The following ACOT12 variants were observed in gnomAD, a reference collection of about 807,000 sequenced individuals.
ACOT12 encodes the protein acetyl-coenzyme A thioesterase.
A neutral mutation model predicts 67.7 loss-of-function variants in ACOT12; 51 were observed. The ratio of observed to expected loss-of-function variants is 0.75; its 90% CI spans 0.60 to 0.95. The LOEUF is 0.95. Among genes scored for constraint, ACOT12 ranks in the 40% least tolerant of loss-of-function variants. The pLI, the probability that ACOT12 is intolerant of heterozygous loss-of-function variation, is 0.00. For missense variants in ACOT12, 734 were observed against 708.1 expected (o/e 1.04, Z -0.41); for synonymous variants, 251 against 244.6 (o/e 1.03, Z -0.24).
chr5:81,337,449 T>C (rs1759040880), intron 11 of ACOT12, among the ~76,000 whole-genome samples: 1 of 152,198 alleles, frequency 6.6e-6, no homozygotes, highest in South Asian at 2.1e-4. Flanking sequence ...TGACCTTATA[T>C]GGAAATGGGG....
intron 4 of ACOT12, among the ~76,000 whole-genome samples, chr5:81,361,077 C>CAAAAAAAA (rs71000820): frequency 1.9e-3 from 101 of 52,238 alleles, no homozygotes; most frequent in Non-Finnish European, 2.4e-3. Flanking sequence ...GACTCCATCT[C>CAAAAAAAA]AAAAAAAAAA....
intron 10 of ACOT12, among the ~76,000 whole-genome samples, chr5:81,343,576 C>A (rs1759273306): frequency 6.6e-6 from 1 of 152,222 alleles, no homozygotes. Flanking sequence ...TGGAACATAT[C>A]TGATGGCAGA....
At chr5:81,324,434 G>C in the ACOT12 span, among the ~76,000 whole-genome samples, 1 of 152,178 alleles carries the variant, frequency 6.6e-6, no homozygotes, top group Non-Finnish European at 1.5e-5. Flanking sequence ...TACTGACTTT[G>C]AGATGACTAT....
At chr5:81,365,974 G>A (rs1329516543) in intron 3 of ACOT12, among the ~76,000 whole-genome samples, 1 of 152,192 alleles carries the variant, frequency 6.6e-6, no homozygotes, top group Non-Finnish European at 1.5e-5. Flanking sequence ...GACAAGAACA[G>A]CTTCTGAGGA....
At chr5:81,365,839 G>T (rs766221050) in intron 3 of ACOT12, among the ~76,000 whole-genome samples, 53 of 152,258 alleles carry the variant, frequency 3.5e-4, no homozygotes, top group Non-Finnish European at 5.9e-4. Flanking sequence ...TGAATTGAAT[G>T]GAGCTAAAAT....
At chr5:81,308,830 AGATT>A in the ACOT12 span, 1 of 1,405,712 alleles carries the variant, frequency 7.1e-7, no homozygotes, top group Non-Finnish European at 9.5e-7. Context: ...AAATCATATG[AGATT>A]AAATTTTAAG....
chr5:81,316,076 AGAG>A, the ACOT12 span, among the ~76,000 whole-genome samples: 1 of 152,240 alleles, frequency 6.6e-6, no homozygotes, highest in Non-Finnish European at 1.5e-5. Flanking sequence ...ACGAAGTCAG[AGAG>A]GTGGTGGGGG....
In ACOT12 at chr5:81,359,886, T is replaced by G. The variant is rs1003021297; in HGVS notation, c.496+17A>C. 7 of 1,595,704 alleles carry G rather than the reference T, an allele frequency of 4.4e-6. No homozygotes were observed. The highest frequency in any genetic ancestry group is 6.0e-6 in the Non-Finnish European group (7 of 1,173,558). The stretch of plus-strand genomic sequence containing the variant: ...CACAGTTATAGAATTAAAATTCTTA[T>G]AAGTGGATTTACTGACCATCAAATT... On this transcript the variant is annotated intron_variant, in intron 5 of 14. Transcript: ENST00000307624.
rs752709684 is a variant in ACOT12, at chr5:81,330,889, CG to C, written c.1442del (p.Pro481ArgfsTer63). 1.2e-6 allele frequency: 2 copies of C among 1,612,996 alleles called. No homozygotes were observed. Among genetic ancestry groups the C allele is most frequent in the South Asian group, 1.1e-5 (1 of 90,862 alleles). ...TTTCACTTCTGATGTACTGTGGAGA[CG>C]GGGGGACCGATGGCAAAATGACCGA... is the stretch of plus-strand genomic sequence containing the variant. The part of the protein sequence containing the change: ...VKSVILPSVP[P>X]SPQYIRSEII... On this transcript the variant is annotated frameshift_variant, in exon 14 of 15. Transcript: ENST00000307624. LOFTEE classifies it high-confidence loss of function.
chr5:81,328,616 A>G (rs1201950367), downstream of ACOT12, among the ~76,000 whole-genome samples: 3 of 152,234 alleles, frequency 2.0e-5, no homozygotes, highest in African/African-American at 7.2e-5. Flanking sequence ...TAGCATTTCT[A>G]AAGTCCAGTA....
intron 4 of ACOT12, among the ~76,000 whole-genome samples, chr5:81,361,926 T>C (rs1759921242): frequency 1.3e-5 from 2 of 152,208 alleles, no homozygotes; most frequent in African/African-American, 4.8e-5. Flanking sequence ...TGAACAGAAA[T>C]TCAAGTAGTC....
At chr5:81,343,040 G>C (rs942511471) in intron 10 of ACOT12, among the ~76,000 whole-genome samples, 2 of 152,032 alleles carry the variant, frequency 1.3e-5, no homozygotes, top group Non-Finnish European at 2.9e-5. Context: ...AAATTAGCCG[G>C]GTGTTGTAGT....
At chr5:81,337,930 C>G (rs1282565891) in intron 11 of ACOT12, among the ~76,000 whole-genome samples, 1 of 152,242 alleles carries the variant, frequency 6.6e-6, no homozygotes. Flanking sequence ...GTAACCACCA[C>G]TGAATTCTGC....
the ACOT12 span, chr5:81,311,297 C>G: frequency 6.2e-7 from 1 of 1,612,932 alleles, no homozygotes; most frequent in African/African-American, 1.3e-5. Flanking sequence ...CTCTGGGCCT[C>G]TACTTAGAAG....
the ACOT12 span, among the ~76,000 whole-genome samples, chr5:81,314,688 G>A: frequency 2.6e-5 from 4 of 152,120 alleles, no homozygotes; most frequent in Non-Finnish European, 5.9e-5. Flanking sequence ...TGAAATTGTG[G>A]CAGTCAGCAA....
At chr5:81,377,777 A>G (rs1278184130) in intron 2 of ACOT12, among the ~76,000 whole-genome samples, 1 of 152,214 alleles carries the variant, frequency 6.6e-6, no homozygotes, top group Non-Finnish European at 1.5e-5. Flanking sequence ...TCCAACTTAC[A>G]AGGGATGTGA....
chr5:81,321,028 G>T, the ACOT12 span, among the ~76,000 whole-genome samples: 1 of 152,070 alleles, frequency 6.6e-6, no homozygotes, highest in Non-Finnish European at 1.5e-5. Context: ...GGCCCAGGTG[G>T]GTGGATCGCT....
intron 1 of ACOT12, among the ~76,000 whole-genome samples, chr5:81,386,253 C>T (rs894126948): frequency 1.3e-5 from 2 of 152,292 alleles, no homozygotes; most frequent in African/African-American, 4.8e-5. Flanking sequence ...ATTTAACCAC[C>T]GTAAGCACTT....
chr5:81,360,182 T>C (rs1244510940), intron 4 of ACOT12, 144 bp from the exon 5 acceptor site: 2 of 737,116 alleles, frequency 2.7e-6, no homozygotes, highest in African/African-American at 1.9e-5. Context: ...AAACATGTTA[T>C]GACTAAATTT....
Sources: allele counts gnomAD v4.1 joint callset (sites outside exome capture counted in the v4.1 genomes callset), GRCh38; gene constraint gnomAD v4.1.1; transcripts MANE v1.5; gene names NCBI Gene and HGNC (gene_info 2026-07-23, HGNC 2026-07-21).